The following RANBP9 variants were observed in gnomAD, a reference collection of about 807,000 sequenced individuals.
RANBP9 encodes the protein ran-binding protein 9.
A neutral mutation model predicts 84.3 loss-of-function variants in RANBP9; 15 were observed. The ratio of observed to expected loss-of-function variants is 0.18; its 90% confidence interval spans 0.12 to 0.27. The LOEUF is 0.27. Among genes scored for constraint, RANBP9 ranks in the 10% least tolerant of loss-of-function variants. The pLI, the probability that RANBP9 is intolerant of heterozygous loss-of-function variation, is 1.00. For missense variants in RANBP9, 809 were observed against 912.8 expected, an observed-to-expected ratio of 0.89 and a Z score of 1.46; for synonymous variants, 392 against 349.6, an observed-to-expected ratio of 1.12 and a Z score of -1.35.
intron 4 of RANBP9, among the ~76,000 whole-genome samples, chr6:13,653,066 T>A (rs537956270): frequency 1.3e-5 from 2 of 152,288 alleles, no homozygotes; most frequent in East Asian, 1.9e-4. Context: ...CGTTTAATAA[T>A]CATCATCTAG....
chr6:13,682,347 T>G (rs1370033895), intron 2 of RANBP9, among the ~76,000 whole-genome samples: 1 of 151,620 alleles, frequency 6.6e-6, no homozygotes, highest in Non-Finnish European at 1.5e-5. Context: ...ACACAGTATT[T>G]TGAATATCCA....
chr6:13,625,609 T>C, intron 13 of RANBP9, 44 bp downstream of exon 13: 1 of 1,415,526 alleles, frequency 7.1e-7, no homozygotes, highest in Non-Finnish European at 1.0e-6. Context: ...TCTTAAATTT[T>C]CAGAGAATCT....
intron 1 of RANBP9, among the ~76,000 whole-genome samples, chr6:13,703,503 G>C (rs1301825895): frequency 3.9e-5 from 6 of 152,140 alleles, no homozygotes; most frequent in Admixed American, 3.9e-4. Context: ...TACCAGCAGG[G>C]TATTTTGTAT....
chr6:13,665,741 G>A (rs1012182837), intron 2 of RANBP9, among the ~76,000 whole-genome samples: 1 of 152,054 alleles, frequency 6.6e-6, no homozygotes, highest in African/African-American at 2.4e-5. Context: ...ATCAACAAGC[G>A]AACAGATATA....
chr6:13,641,246 T>C lies in RANBP9; in HGVS notation c.1287A>G (p.Leu429=). ...GATTTCTTTCAAGTAAACTTGGGTA[T>C]AACTGTTGTGTTGTTTCAATGGCTT... ...MGEAIETTQQ[L]YPSLLERNPN... Residue 429 remains leucine (L), a synonymous_variant, in exon 8 of 14, where the codon TTA becomes TTG. Coordinates refer to ENST00000011619, the MANE Select transcript of RANBP9 (RefSeq NM_005493.3). 1 of 1,602,916 alleles carries C rather than the reference T, an allele frequency of 6.2e-7. No homozygotes were observed. Among genetic ancestry groups the C allele is most frequent in the Non-Finnish European group, 8.5e-7 (1 of 1,175,028 alleles).
intron 1 of RANBP9, among the ~76,000 whole-genome samples, chr6:13,708,651 AG>A (rs1758191535): frequency 6.6e-6 from 1 of 152,220 alleles, no homozygotes; most frequent in African/African-American, 2.4e-5. Context: ...GCACAATGAT[AG>A]GTTAAATAAA....
At chr6:13,633,507 T>C (rs551797400) in intron 11 of RANBP9, among the ~76,000 whole-genome samples, 1 of 152,332 alleles carries the variant, frequency 6.6e-6, no homozygotes, top group African/African-American at 2.4e-5. Flanking sequence ...GAGGTCGTTA[T>C]TATACCCATT....
In RANBP9 at chr6:13,641,194, C is replaced by T; in HGVS notation, c.1334+5G>A. ...CAAATATAGCATTTTATTATGCAAA[C>T]TCACTTTAATGTGAAAAGGAGATTA... On this transcript the variant is annotated splice_donor_5th_base_variant and intron_variant, in intron 8 of 13. Transcript: ENST00000011619. The T allele has an allele frequency of 6.7e-7, 1 of 1,483,048 alleles. No individual in the cohort carries two copies. Among genetic ancestry groups the T allele is most frequent in the East Asian group, 2.4e-5 (1 of 42,550 alleles). The allele number at this position is 1,483,048 out of a possible 1,614,324, so 91.9% of individuals were successfully genotyped here. A position where few individuals can be genotyped will look rare whatever the true frequency, so the allele number is the denominator to read the frequency against.
In RANBP9 at chr6:13,621,626, A is replaced by G. The variant is rs1764448336; in HGVS notation, c.*736T>C. The G allele has an allele frequency of 6.6e-6, 1 of 152,666 alleles. No homozygotes were observed. The highest frequency in any genetic ancestry group is 2.4e-5 in the African/African-American group (1 of 41,470). 9.5% of individuals were successfully genotyped at this position (152,666 alleles called of 1,614,324 possible). A position where few individuals can be genotyped will look rare whatever the true frequency, so the allele number is the denominator to read the frequency against. On this transcript the variant is annotated 3_prime_UTR_variant, in exon 14 of 14. Coordinates refer to ENST00000011619, the MANE Select transcript of RANBP9 (RefSeq NM_005493.3). The stretch of plus-strand genomic sequence containing the variant: ...AATTAAGACACGGTAAATTGACTAA[A>G]TATTTGGTTTTTATATAAATAAAGG...
intron 1 of RANBP9, 125 bp downstream of exon 1, chr6:13,710,810 G>A (rs1758257438): frequency 4.8e-6 from 5 of 1,035,398 alleles, no homozygotes; most frequent in Non-Finnish European, 6.8e-6. Context: ...CACAACAGGC[G>A]GCGAGTGGCC....
intron 1 of RANBP9, among the ~76,000 whole-genome samples, chr6:13,704,818 C>T (rs1377399637): frequency 6.6e-6 from 1 of 152,146 alleles, no homozygotes; most frequent in African/African-American, 2.4e-5. Flanking sequence ...TCTTTTAAGA[C>T]TGACCACTAG....
At position 13,686,553 on chromosome 6, in the gene RANBP9, G is replaced by A. The variant is rs546872220; in HGVS notation, c.683+10232C>T. Among the ~76,000 whole-genome samples, 7 of 151,962 alleles carry A rather than the reference G, an allele frequency of 4.6e-5. No homozygotes were observed. In the East Asian group the frequency reaches 9.7e-4, roughly 21 times the overall value. ...ACCCACCTCAGCCTCCCAAAGTGCC[G>A]GGATTACAGGCATGAGCCACCATGC... On this transcript the variant is annotated intron_variant, in intron 2 of 13. Coordinates refer to ENST00000011619, the MANE Select transcript of RANBP9 (RefSeq NM_005493.3).
chr6:13,704,981 CA>C (rs1267204490), intron 1 of RANBP9, among the ~76,000 whole-genome samples: 2 of 152,194 alleles, frequency 1.3e-5, no homozygotes, highest in African/African-American at 4.8e-5. Context: ...TCTCTGAATT[CA>C]ATGACAGTAT....
chr6:13,672,412 A>G (rs1012389368), intron 2 of RANBP9, among the ~76,000 whole-genome samples: 6 of 152,154 alleles, frequency 3.9e-5, no homozygotes, highest in Non-Finnish European at 8.8e-5. Context: ...AATTACAAGA[A>G]ATAGACTTTT....
chr6:13,703,333 C>CT (rs1401776593), intron 1 of RANBP9, among the ~76,000 whole-genome samples: 4 of 152,140 alleles, frequency 2.6e-5, no homozygotes, highest in Non-Finnish European at 5.9e-5. Flanking sequence ...TTCAAATACT[C>CT]TGAGTTTCAA....
At chr6:13,710,623 G>A (rs565754322) in intron 1 of RANBP9, among the ~76,000 whole-genome samples, 3 of 152,166 alleles carry the variant, frequency 2.0e-5, no homozygotes, top group Admixed American at 6.5e-5. Context: ...TATCTCCCAG[G>A]GAAATCAGAA....
intron 1 of RANBP9, among the ~76,000 whole-genome samples, chr6:13,699,678 A>C (rs1757920167): frequency 1.3e-5 from 2 of 152,150 alleles, no homozygotes; most frequent in South Asian, 4.1e-4. Flanking sequence ...CTTGGCCAAC[A>C]TGGTGAAACC....
intron 4 of RANBP9, among the ~76,000 whole-genome samples, chr6:13,652,891 G>C (rs943376868): frequency 6.6e-6 from 1 of 152,122 alleles, no homozygotes; most frequent in Non-Finnish European, 1.5e-5. Flanking sequence ...AATCAGCCTT[G>C]CTAGTCATAC....
intron 13 of RANBP9, among the ~76,000 whole-genome samples, chr6:13,623,591 C>CTT (rs940516600): frequency 6.6e-6 from 1 of 152,144 alleles, no homozygotes; most frequent in Non-Finnish European, 1.5e-5. Context: ...CAAAGACAAA[C>CTT]ATCTACAGGG....
Sources: allele counts gnomAD v4.1 joint callset (sites outside exome capture counted in the v4.1 genomes callset), GRCh38; gene constraint gnomAD v4.1.1; transcripts MANE v1.5; gene names NCBI Gene and HGNC (gene_info 2026-07-23, HGNC 2026-07-21).